Variants in LPP observed in about 807,000 individuals in gnomAD.
The protein encoded by LPP is LIM domain containing preferred translocation partner in lipoma, also known as lipoma-preferred partner.
LPP carries 38 observed loss-of-function variants against 60.4 expected under a neutral mutation model. That is an observed-to-expected ratio of 0.63 (90% CI 0.49 to 0.83). LPP has a LOEUF of 0.83. Ranked by LOEUF, LPP falls within the 40% of genes least tolerant of loss-of-function variation. The pLI is 0.00. For missense variants in LPP, 902 were observed against 783.6 expected (o/e 1.15, Z -1.80); for synonymous variants, 328 against 290.8 (o/e 1.13, Z -1.30).
At chr3:188,373,448 T>C (rs1773913094) in intron 3 of LPP, among the ~76,000 whole-genome samples, 1 of 152,280 alleles carries the variant, frequency 6.6e-6, no homozygotes, top group Non-Finnish European at 1.5e-5. Context: ...TGCATTTCTC[T>C]GATGGCCAGT....
intron 8 of LPP, among the ~76,000 whole-genome samples, chr3:188,731,523 T>TTTG (rs1553817812): frequency 6.6e-6 from 1 of 151,488 alleles, no homozygotes; most frequent in East Asian, 1.9e-4. Context: ...TTTTTTTTGT[T>TTTG]TTGTTTTGTT....
chr3:188,154,256 T>C lies in LPP; in HGVS notation c.-190+4T>C, dbSNP rs1404437333. Among the ~76,000 whole-genome samples, 1 of 151,314 alleles carries C rather than the reference T, an allele frequency of 6.6e-6. No individual in the cohort carries two copies. Among genetic ancestry groups the C allele is most frequent in the Non-Finnish European group, 1.5e-5 (1 of 67,706 alleles). On this transcript the variant is annotated splice_donor_region_variant and intron_variant, in intron 1 of 11. Transcript: ENST00000617246. ...CCCCGGCTGCCTCCTCCCTGAGGTA[T>C]TGTTGCAAATCCTTCCTTCCCCTCA...
intron 2 of LPP, among the ~76,000 whole-genome samples, chr3:188,307,751 A>G (rs1751988689): frequency 6.6e-6 from 1 of 152,212 alleles, no homozygotes; most frequent in African/African-American, 2.4e-5. Flanking sequence ...TAGATAATAC[A>G]TTCTTAGTCC....
At chr3:188,664,637 G>GGA (rs1050457625) in intron 7 of LPP, among the ~76,000 whole-genome samples, 1 of 151,624 alleles carries the variant, frequency 6.6e-6, no homozygotes, top group African/African-American at 2.4e-5. Flanking sequence ...GTGTGTGTGT[G>GGA]GAGAGAGAGA....
intron 2 of LPP, among the ~76,000 whole-genome samples, chr3:188,297,521 G>C (rs1308808030): frequency 1.3e-5 from 2 of 152,188 alleles, no homozygotes; most frequent in Non-Finnish European, 2.9e-5. Flanking sequence ...ACAAATGAGA[G>C]ACTATATGTT....
intron 3 of LPP, among the ~76,000 whole-genome samples, chr3:188,377,861 T>A (rs1341917410): frequency 6.6e-6 from 1 of 152,182 alleles, no homozygotes; most frequent in Admixed American, 6.5e-5. Context: ...TCTTTGATGA[T>A]GGTGACATAC....
chr3:188,380,953 G>A (rs1250675180), intron 3 of LPP, among the ~76,000 whole-genome samples: 2 of 152,224 alleles, frequency 1.3e-5, no homozygotes, highest in African/African-American at 4.8e-5. Flanking sequence ...CACAGAGCTA[G>A]TAGGTGACAG....
At chr3:188,176,659 T>A (rs2148854368) in intron 1 of LPP, among the ~76,000 whole-genome samples, 1 of 152,318 alleles carries the variant, frequency 6.6e-6, no homozygotes, top group African/African-American at 2.4e-5. Flanking sequence ...CAACTGTATT[T>A]AGACTAGTGG....
chr3:188,775,492 T>C (rs1177897045), intron 9 of LPP, among the ~76,000 whole-genome samples: 1 of 152,206 alleles, frequency 6.6e-6, no homozygotes, highest in Non-Finnish European at 1.5e-5. Flanking sequence ...TTTAACCTGC[T>C]AGATGTCATC....
intron 3 of LPP, among the ~76,000 whole-genome samples, chr3:188,369,899 T>G (rs1223017457): frequency 6.6e-6 from 1 of 152,176 alleles, no homozygotes; most frequent in Non-Finnish European, 1.5e-5. Flanking sequence ...AGGCAGTCAT[T>G]GGCCCCACAG....
intron 7 of LPP, among the ~76,000 whole-genome samples, chr3:188,672,802 C>G (rs910808985): frequency 3.2e-4 from 49 of 152,118 alleles, no homozygotes. Context: ...GAGCTGCTGC[C>G]AAGACAATAG....
chr3:188,754,094 C>T (rs541320686), intron 8 of LPP, among the ~76,000 whole-genome samples: 1 of 152,288 alleles, frequency 6.6e-6, no homozygotes, highest in African/African-American at 2.4e-5. Flanking sequence ...TGATATCTTA[C>T]TTTACATGGC....
At chr3:188,355,637 T>A (rs76046935) in intron 3 of LPP, among the ~76,000 whole-genome samples, 2,468 of 152,238 alleles carry the variant, frequency 0.016, 60 homozygotes, top group African/African-American at 0.055. Flanking sequence ...AGTGCATATA[T>A]ATGTACATAT....
intron 3 of LPP, among the ~76,000 whole-genome samples, chr3:188,363,720 C>G (rs972674052): frequency 6.6e-6 from 1 of 151,982 alleles, no homozygotes; most frequent in Non-Finnish European, 1.5e-5. Flanking sequence ...GCCTGGCCAA[C>G]ATGGTGAAAC....
intron 4 of LPP, among the ~76,000 whole-genome samples, chr3:188,428,010 G>A (rs1462785460): frequency 3.9e-5 from 6 of 152,066 alleles, no homozygotes; most frequent in South Asian, 4.1e-4. Flanking sequence ...ACGGTCACCC[G>A]GTTTTGTGCT....
At chr3:188,756,179 T>G (rs371859693) in intron 8 of LPP, among the ~76,000 whole-genome samples, 1 of 152,044 alleles carries the variant, frequency 6.6e-6, no homozygotes, top group South Asian at 2.1e-4. Flanking sequence ...AGAGCAGAGG[T>G]GAAGGATAAG....
intron 6 of LPP, among the ~76,000 whole-genome samples, chr3:188,574,448 A>G (rs1834160045): frequency 6.6e-6 from 1 of 152,218 alleles, no homozygotes; most frequent in African/African-American, 2.4e-5. Flanking sequence ...TACAGAACAT[A>G]ACAGTTTTTA....
Position 188,889,234 on chromosome 3 carries a change from C to A in LPP, c.*14755C>A, listed in dbSNP as rs1049265547. ...TTTGATGGCTTTTGTTTCCATAGTT[C>A]CATCACTGACAAAACTGTCAATACT... On this transcript the variant is annotated 3_prime_UTR_variant, in exon 12 of 12. Transcript: ENST00000617246. 3 of 230,354 alleles carry A rather than the reference C, an allele frequency of 1.3e-5. No homozygotes were observed. The South Asian group carries it at 5.5e-4, about 42-fold the overall frequency. 14.3% of individuals were successfully genotyped at this position (230,354 alleles called of 1,614,324 possible).
At chr3:188,485,816 G>GAAAAAAAAA (rs1806324038) in intron 5 of LPP, among the ~76,000 whole-genome samples, 1 of 50,232 alleles carries the variant, frequency 2.0e-5, no homozygotes, top group Non-Finnish European at 4.6e-5. Context: ...AAAAAAAAAT[G>GAAAAAAAAA]GAATGGTGTC....
Sources: gnomAD v4.1 joint callset for allele counts (sites outside exome capture counted in the v4.1 genomes callset) on GRCh38, gnomAD v4.1.1 for gene constraint, MANE v1.5 for transcripts, NCBI Gene and HGNC (gene_info 2026-07-23, HGNC 2026-07-21) for gene names.